The following KIF16B variants were observed in gnomAD, a reference collection of about 807,000 sequenced individuals.
The protein encoded by KIF16B is kinesin-like protein KIF16B.
In KIF16B, 98 loss-of-function variants were observed where a neutral mutation model predicts 156.3. The ratio of observed to expected loss-of-function variants is 0.63; its 90% CI spans 0.53 to 0.74. The LOEUF (loss-of-function observed/expected upper bound fraction) is 0.74. KIF16B is among the 30% of genes least tolerant of loss of function. KIF16B has a pLI of 0.00. For synonymous variants in KIF16B, 564 were observed against 583.7 expected (o/e 0.97, Z 0.49); for missense variants, 1,421 against 1,606.5 (o/e 0.88, Z 1.97).
intron 12 of KIF16B, among the ~76,000 whole-genome samples, chr20:16,430,847 A>ATGTG (rs1318453997): frequency 1.4e-5 from 2 of 142,624 alleles, no homozygotes; most frequent in African/African-American, 5.5e-5. Flanking sequence ...GTGTGTGTGT[A>ATGTG]TGTATATATA....
intron 12 of KIF16B, among the ~76,000 whole-genome samples, chr20:16,480,122 C>A (rs1159861832): frequency 6.6e-6 from 1 of 152,100 alleles, no homozygotes; most frequent in South Asian, 2.1e-4. Context: ...TCATGATTTG[C>A]ATAATATTCT....
intron 12 of KIF16B, among the ~76,000 whole-genome samples, chr20:16,472,693 C>T (rs1600487536): frequency 2.0e-5 from 3 of 152,010 alleles, no homozygotes; most frequent in South Asian, 4.1e-4. Flanking sequence ...CCCATGATAA[C>T]GTCATGCCAC....
rs766857702 is a variant in KIF16B at position 16,374,321 on chromosome 20, C to T, written c.3286G>A (p.Val1096Met). Residue 1096 changes from valine (V) to methionine (M), a missense_variant, in exon 20 of 26, where the codon GTG (valine) becomes ATG (methionine). Physicochemically the swap from Val to Met is conservative, Grantham distance 21. Transcript: ENST00000354981. ...KDHHGTLEGK[V>M]ASSSLPVSAE... ...CTGACTGGCAAGCTGGAAGAAGCCA[C>T]CTTCCCTTCCAGGGTCCCATGATGA... 14 of 1,605,262 alleles carry T rather than the reference C, an allele frequency of 8.7e-6. No homozygotes were observed. In the East Asian group the frequency reaches 2.7e-4, roughly 31 times the overall value.
intron 17 of KIF16B, among the ~76,000 whole-genome samples, chr20:16,384,444 A>C (rs1020525135): frequency 2.0e-5 from 3 of 152,210 alleles, no homozygotes; most frequent in African/African-American, 4.8e-5. Context: ...AAAGCTAATA[A>C]AATCAGCTTT....
At chr20:16,570,352 A>G (rs1036521476) in intron 1 of KIF16B, among the ~76,000 whole-genome samples, 4 of 152,230 alleles carry the variant, frequency 2.6e-5, no homozygotes, top group African/African-American at 9.6e-5. Flanking sequence ...TTTCTGCTTA[A>G]GTATACAGAT....
intron 15 of KIF16B, among the ~76,000 whole-genome samples, chr20:16,409,319 T>A (rs900557366): frequency 2.0e-5 from 3 of 151,366 alleles, no homozygotes; most frequent in African/African-American, 7.3e-5. Flanking sequence ...AAGACAACCA[T>A]GTGGCTATGG....
chr20:16,524,162 A>T (rs1185230906), intron 3 of KIF16B, among the ~76,000 whole-genome samples: 1 of 152,208 alleles, frequency 6.6e-6, no homozygotes, highest in Non-Finnish European at 1.5e-5. Flanking sequence ...ACAAAAGCAA[A>T]AGGTGACAAA....
chr20:16,320,807 T>C (rs1210993609), intron 24 of KIF16B, among the ~76,000 whole-genome samples: 5 of 152,204 alleles, frequency 3.3e-5, no homozygotes, highest in African/African-American at 9.7e-5. Context: ...GTTAATTTTA[T>C]CTCTGTTAGA....
chr20:16,429,049 A>G, intron 13 of KIF16B, 45 bp from the exon 14 acceptor site: 2 of 1,500,918 alleles, frequency 1.3e-6, no homozygotes, highest in Non-Finnish European at 9.3e-7. Flanking sequence ...GAAGAGAAGG[A>G]ATAGCTTGTT....
At chr20:16,513,399 T>C (rs1600590174) in intron 4 of KIF16B, among the ~76,000 whole-genome samples, 2 of 151,936 alleles carry the variant, frequency 1.3e-5, no homozygotes, top group Non-Finnish European at 2.9e-5. Flanking sequence ...TGGTTCACAC[T>C]TGTAATCCCA....
chr20:16,528,740 G>GT (rs1568647979), intron 1 of KIF16B, among the ~76,000 whole-genome samples: 1 of 151,974 alleles, frequency 6.6e-6, no homozygotes, highest in Non-Finnish European at 1.5e-5. Context: ...AAAGAGCTAA[G>GT]ACTCACCAAA....
At chr20:16,341,764 T>C (rs927768905) in intron 23 of KIF16B, among the ~76,000 whole-genome samples, 1 of 152,208 alleles carries the variant, frequency 6.6e-6, no homozygotes, top group Non-Finnish European at 1.5e-5. Context: ...TCCAGGGAAC[T>C]GTGATGCAGG....
intron 17 of KIF16B, among the ~76,000 whole-genome samples, chr20:16,398,910 G>A (rs79646796): frequency 0.018 from 2,694 of 152,254 alleles, 85 homozygotes; most frequent in African/African-American, 0.062. Context: ...GCCAGGAGGC[G>A]TGTTTGTGTT....
chr20:16,373,659 C>G (rs376680649), intron 20 of KIF16B, among the ~76,000 whole-genome samples: 22 of 152,316 alleles, frequency 1.4e-4, no homozygotes, highest in African/African-American at 5.3e-4. Context: ...CTTCTTGGTA[C>G]AGTTAATTCT....
At chr20:16,370,565 A>G (rs2064791807) in intron 22 of KIF16B, 21 bp downstream of exon 22, 2 of 1,556,960 alleles carry the variant, frequency 1.3e-6, no homozygotes, top group Non-Finnish European at 1.7e-6. Flanking sequence ...GACCCTATCA[A>G]TCTGAAAAAT....
At chr20:16,533,263 A>T (rs913571293) in intron 1 of KIF16B, among the ~76,000 whole-genome samples, 1 of 152,156 alleles carries the variant, frequency 6.6e-6, no homozygotes, top group Non-Finnish European at 1.5e-5. Flanking sequence ...AAAGATAGGA[A>T]TCCCTGCTCT....
chr20:16,344,914 C>G (rs2064203814), intron 23 of KIF16B, among the ~76,000 whole-genome samples: 1 of 152,292 alleles, frequency 6.6e-6, no homozygotes, highest in Admixed American at 6.5e-5. Flanking sequence ...TCCCTTCCTT[C>G]AAAACCTCTT....
chr20:16,487,251 C>CA (rs61387852), intron 12 of KIF16B, among the ~76,000 whole-genome samples: 25,503 of 142,660 alleles, frequency 0.18, 2,695 homozygotes, highest in African/African-American at 0.31. Context: ...GACTCCATCT[C>CA]AAAAAAAAAA....
chr20:16,556,889 A>G (rs142892307), intron 1 of KIF16B, among the ~76,000 whole-genome samples: 7 of 152,112 alleles, frequency 4.6e-5, no homozygotes, highest in Admixed American at 1.3e-4. Context: ...TCTTTATAGA[A>G]TGTTCCCACT....
Sources: allele counts gnomAD v4.1 joint callset (sites outside exome capture counted in the v4.1 genomes callset), GRCh38; gene constraint gnomAD v4.1.1; transcripts MANE v1.5; gene names NCBI Gene and HGNC (gene_info 2026-07-23, HGNC 2026-07-21).